The following TTC27 variants were observed in gnomAD, a reference collection of about 807,000 sequenced individuals.
TTC27 encodes tetratricopeptide repeat protein 27.
Under a neutral mutation model 115.9 loss-of-function variants are expected in TTC27, and 79 were observed. The observed-to-expected ratio is 0.68, with a 90% CI of 0.57 to 0.82. The LOEUF is 0.82. TTC27 is among the 40% of genes least tolerant of loss of function. TTC27 has a pLI of 0.00. For synonymous variants in TTC27, 401 were observed against 356.0 expected (o/e 1.13, Z -1.42); for missense variants, 1,054 against 993.1 (o/e 1.06, Z -0.82).
chr2:32,787,243 T>A, intron 16 of TTC27, 94 bp downstream of exon 16: 1 of 1,426,298 alleles, frequency 7.0e-7, no homozygotes, highest in Non-Finnish European at 9.4e-7. Flanking sequence ...CACAGGAAAA[T>A]TTTGTTAAAC....
intron 12 of TTC27, among the ~76,000 whole-genome samples, chr2:32,753,634 A>C (rs1340194554): frequency 1.3e-5 from 2 of 151,892 alleles, no homozygotes; most frequent in Non-Finnish European, 2.9e-5. Context: ...TTTAGTAGAC[A>C]TGGGGTTTCA....
At chr2:32,818,799 T>C (rs1199977964) in intron 19 of TTC27, among the ~76,000 whole-genome samples, 2 of 152,246 alleles carry the variant, frequency 1.3e-5, no homozygotes, top group African/African-American at 4.8e-5. Flanking sequence ...CTTTTTACTC[T>C]GTAACCGCCT....
At chr2:32,793,817 C>T (rs781598527) in intron 16 of TTC27, among the ~76,000 whole-genome samples, 1 of 152,048 alleles carries the variant, frequency 6.6e-6, no homozygotes, top group African/African-American at 2.4e-5. Flanking sequence ...GCCACCATAC[C>T]CGGCCTGTTA....
chr2:32,649,066 G>T (rs568758418), intron 4 of TTC27, among the ~76,000 whole-genome samples: 39 of 152,182 alleles, frequency 2.6e-4, no homozygotes, highest in African/African-American at 9.1e-4. Flanking sequence ...GAAATGTATG[G>T]CTCAAATAGA....
chr2:32,750,175 T>C (rs935790061), intron 12 of TTC27, among the ~76,000 whole-genome samples: 1 of 152,178 alleles, frequency 6.6e-6, no homozygotes, highest in African/African-American at 2.4e-5. Flanking sequence ...AATGGGACCA[T>C]GAAGCAGGGG....
At chr2:32,674,148 C>T (rs976277901) in intron 8 of TTC27, among the ~76,000 whole-genome samples, 4 of 151,326 alleles carry the variant, frequency 2.6e-5, no homozygotes, top group African/African-American at 9.7e-5. Context: ...TTGAAAAAAT[C>T]TTGTTCTTTT....
At chr2:32,663,215 T>A (rs145145742) in intron 5 of TTC27, among the ~76,000 whole-genome samples, 20 of 152,290 alleles carry the variant, frequency 1.3e-4, no homozygotes, top group African/African-American at 4.8e-4. Flanking sequence ...CCAGGAGCCA[T>A]TGGGGTATGA....
chr2:32,684,386 C>T lies in TTC27; in HGVS notation c.1119+5464C>T, dbSNP rs1052749777. Among the ~76,000 whole-genome samples the T allele has an allele frequency of 6.6e-5, 10 of 151,340 alleles. 2 individuals are homozygous for T. Among genetic ancestry groups the T allele is most frequent in the Admixed American group, 4.6e-4 (7 of 15,178 alleles). On this transcript the variant is annotated intron_variant, in intron 9 of 19. Coordinates refer to ENST00000317907, the MANE Select transcript of TTC27 (RefSeq NM_017735.5). ...TGTGAATAATGCCGCAATAAACATA[C>T]GTGTGCATGTGTCTAAAACTTAAAG...
At chr2:32,723,970 G>A (rs924370382) in intron 10 of TTC27, among the ~76,000 whole-genome samples, 1 of 66,286 alleles carries the variant, frequency 1.5e-5, no homozygotes, top group Non-Finnish European at 3.1e-5. Flanking sequence ...GCATACATAA[G>A]CTTTTTTTTT....
chr2:32,759,347 A>C (rs1366312285), intron 13 of TTC27, among the ~76,000 whole-genome samples: 2 of 152,250 alleles, frequency 1.3e-5, no homozygotes, highest in Non-Finnish European at 2.9e-5. Context: ...CAGGTAATTC[A>C]TTAAGCATTT....
At chr2:32,652,220 A>C (rs897038242) in intron 5 of TTC27, among the ~76,000 whole-genome samples, 1 of 152,064 alleles carries the variant, frequency 6.6e-6, no homozygotes, top group Non-Finnish European at 1.5e-5. Flanking sequence ...AAAATACAAA[A>C]ATTAGCTGGG....
intron 2 of TTC27, among the ~76,000 whole-genome samples, chr2:32,632,069 C>T (rs2151858052): frequency 6.6e-6 from 1 of 152,084 alleles, no homozygotes; most frequent in South Asian, 2.1e-4. Context: ...CCTCGGCCTC[C>T]CAAAGTGCTG....
At chr2:32,719,763 T>G (rs896228987) in intron 10 of TTC27, among the ~76,000 whole-genome samples, 5 of 152,114 alleles carry the variant, frequency 3.3e-5, no homozygotes, top group Non-Finnish European at 7.4e-5. Flanking sequence ...ACCCCAGAGT[T>G]TCCCATGAAG....
At chr2:32,769,968 C>A (rs1291854999) in intron 13 of TTC27, among the ~76,000 whole-genome samples, 8 of 151,888 alleles carry the variant, frequency 5.3e-5, no homozygotes, top group Non-Finnish European at 1.0e-4. Flanking sequence ...TTTTGGGTGG[C>A]CTTGTAAATA....
chr2:32,776,343 G>A (rs913083410), intron 13 of TTC27, among the ~76,000 whole-genome samples: 4 of 152,194 alleles, frequency 2.6e-5, no homozygotes, highest in Non-Finnish European at 5.9e-5. Flanking sequence ...GGGAATGGCT[G>A]AAGGAGGAGT....
At chr2:32,818,479 G>A (rs556223358) in intron 19 of TTC27, among the ~76,000 whole-genome samples, 1 of 152,190 alleles carries the variant, frequency 6.6e-6, no homozygotes, top group Admixed American at 6.5e-5. Context: ...CTGGGCCAGA[G>A]ATGCCTAAGA....
chr2:32,801,655 GCATTGAGAA>G (rs1192720490), intron 16 of TTC27, among the ~76,000 whole-genome samples: 1 of 152,202 alleles, frequency 6.6e-6, no homozygotes, highest in Non-Finnish European at 1.5e-5. Flanking sequence ...TGTAGCAGTA[GCATTGAGAA>G]CAGCGGTGTT....
chr2:32,677,070 A>G (rs1015018444), intron 8 of TTC27, among the ~76,000 whole-genome samples: 5 of 152,016 alleles, frequency 3.3e-5, no homozygotes, highest in African/African-American at 9.7e-5. Context: ...TTTTAATTTC[A>G]TGTTTTGTAT....
chr2:32,777,793 T>G, intron 13 of TTC27, 89 bp from the exon 14 acceptor site: 1 of 1,182,838 alleles, frequency 8.5e-7, no homozygotes, highest in South Asian at 1.3e-5. Context: ...TCTAGGAGTG[T>G]GTTTGTTGAT....
Sources: allele counts gnomAD v4.1 joint callset (sites outside exome capture counted in the v4.1 genomes callset), GRCh38; gene constraint gnomAD v4.1.1; transcripts MANE v1.5; gene names NCBI Gene and HGNC (gene_info 2026-07-23, HGNC 2026-07-21).